TRIP11: variants seen among roughly 807,000 people sequenced by gnomAD.
TRIP11 encodes the protein thyroid hormone receptor interactor 11.
In TRIP11, 148 loss-of-function variants were observed where a neutral mutation model predicts 223.1. The observed-to-expected ratio is 0.66, with a 90% CI of 0.58 to 0.76. TRIP11 has a LOEUF of 0.76. Among genes scored for constraint, TRIP11 ranks in the 30% least tolerant of loss-of-function variants. The probability of loss-of-function intolerance (pLI) is 0.00; values close to 1 mark genes in which losing one functional copy is unlikely to be tolerated. For missense variants in TRIP11, 2,043 were observed against 2,222.0 expected (o/e 0.92, Z 1.62); for synonymous variants, 762 against 772.6 (o/e 0.99, Z 0.23).
intron 1 of TRIP11, among the ~76,000 whole-genome samples, chr14:92,035,674 T>C (rs1233268899): frequency 6.6e-6 from 1 of 151,256 alleles, no homozygotes; most frequent in East Asian, 2.0e-4. Context: ...GCCTCCTGGG[T>C]TCAAGTGATT....
intron 8 of TRIP11, 101 bp from the exon 9 acceptor site, chr14:92,011,173 T>G (rs2056967598): frequency 9.5e-7 from 1 of 1,047,906 alleles, no homozygotes; most frequent in African/African-American, 1.6e-5. Context: ...CAGTATTTCT[T>G]TAATGATATG....
chr14:92,007,167 G>C (rs2056915639), intron 10 of TRIP11, among the ~76,000 whole-genome samples: 1 of 151,962 alleles, frequency 6.6e-6, no homozygotes. Context: ...TGGGATTACA[G>C]GCACCTGCCA....
Position 92,039,835 on chromosome 14 carries a change from A to T in TRIP11, c.-150T>A. ...TGGGTTCTCAGGCAAGGCCGACTCC[A>T]GGTTCTGCCTAGAAACGCAGAGGCC... is the stretch of plus-strand genomic sequence containing the variant. On this transcript the variant is annotated 5_prime_UTR_variant, in exon 1 of 21. Transcript: ENST00000267622. 2 of 1,509,194 alleles carry T rather than the reference A, an allele frequency of 1.3e-6. No individual in the cohort carries two copies. The highest frequency in any genetic ancestry group is 4.9e-5 in the East Asian group (2 of 40,626). 93.5% of individuals were successfully genotyped at this position (1,509,194 alleles called of 1,614,324 possible). A position where few individuals can be genotyped will look rare whatever the true frequency, so the allele number is the denominator to read the frequency against.
chr14:91,989,533 G>A (rs1198510084), intron 15 of TRIP11, among the ~76,000 whole-genome samples: 2 of 149,114 alleles, frequency 1.3e-5, no homozygotes, highest in Non-Finnish European at 3.0e-5. Context: ...CTAGTAGGCA[G>A]GTCTCTCCTC....
In TRIP11 at chr14:92,004,218, A is replaced by C; in HGVS notation, c.3758T>G (p.Val1253Gly). The C allele has an allele frequency of 6.2e-7, 1 of 1,613,988 alleles. No individual in the cohort carries two copies. Among genetic ancestry groups the C allele is most frequent in the Non-Finnish European group, 8.5e-7 (1 of 1,179,986 alleles). The change falls in exon 11 of 21, where the codon GTT becomes GGT. Residue 1253 changes from valine (V) to glycine (G), a missense_variant. Coordinates refer to ENST00000267622, the MANE Select transcript of TRIP11 (RefSeq NM_004239.4). ...AGAATTATTATCACTGTCAACCAAA[A>C]CCTGTGCTTGAAGTTGGTGAAGCTC... The part of the protein sequence containing the change: ...QEELHQLQAQ[V>G]LVDSDNNSKL...
chr14:92,030,792 T>C (rs2057255252), intron 2 of TRIP11: 1 of 152,188 alleles, frequency 6.6e-6, no homozygotes, highest in Non-Finnish European at 1.5e-5. Flanking sequence ...AGGAAACAGA[T>C]GACACAGAAA....
In TRIP11 at chr14:92,003,492, T is replaced by G; in HGVS notation, c.4484A>C (p.Glu1495Ala). ...CATTGAGTGGCACTCAAACTCTTTTTCTCGCAGCATCATAGAAAACTTCAT... is the reference window on the plus strand; with the variant it reads ...CATTGAGTGGCACTCAAACTCTTTTGCTCGCAGCATCATAGAAAACTTCAT... ...TNMKFSMMLREKEFECHSMKE... is the reference protein window; with the variant it reads ...TNMKFSMMLRAKEFECHSMKE... Residue 1495 changes from glutamate to alanine, a missense_variant, in exon 11 of 21, where the codon GAA (glutamate) becomes GCA (alanine). Transcript: ENST00000267622. 6.2e-7 allele frequency: 1 copy of G among 1,614,172 alleles called. No homozygotes were observed. The highest frequency in any genetic ancestry group is 8.5e-7 in the Non-Finnish European group (1 of 1,180,030).
intron 20 of TRIP11, among the ~76,000 whole-genome samples, chr14:91,971,861 G>T (rs74679459): frequency 0.011 from 1,735 of 152,192 alleles, 31 homozygotes; most frequent in South Asian, 0.036. Context: ...CTAAACGACA[G>T]AAGTTTCAAA....
chr14:92,007,788 G>A lies in TRIP11; in HGVS notation c.1379C>T (p.Thr460Ile). Residue 460 changes from threonine to isoleucine, a missense_variant, in exon 10 of 21, where the codon ACA (threonine) becomes ATA (isoleucine). Physicochemically the swap from Thr to Ile is moderately conservative, Grantham distance 89. Transcript: ENST00000267622. ...NEYEVIKSTA[T>I]RDISLDSELH... ...TTCTGAATCCAAACTTATGTCTCTT[G>A]TAGCTGTACTTTTAATTACTTCATA... 2 of 1,613,480 alleles carry A rather than the reference G, an allele frequency of 1.2e-6. No homozygotes were observed. The highest frequency in any genetic ancestry group is 2.2e-5 in the East Asian group (1 of 44,796).
In TRIP11 at chr14:92,015,750, C is replaced by A. The variant is rs1208418888; in HGVS notation, c.769G>T (p.Glu257Ter). 3 of 1,613,346 alleles carry A rather than the reference C, an allele frequency of 1.9e-6. No homozygotes were observed. Among genetic ancestry groups the A allele is most frequent in the African/African-American group, 2.7e-5 (2 of 74,916 alleles). The change falls in exon 6 of 21, where the codon GAA (glutamate) becomes TAA (stop). Residue 257 changes from glutamate (E) to a stop codon, truncating the protein, a stop_gained. Coordinates refer to ENST00000267622, the MANE Select transcript of TRIP11 (RefSeq NM_004239.4). LOFTEE classifies it high-confidence loss of function. ...ATTCGTTCTTCATAGTCACTTAATT[C>A]TTCTCGATGTCGTCGACTTATTTCT... ...LTEISRRHRE[E>*]LSDYEERIEE...
At chr14:92,038,529 T>C (rs952356133) in intron 1 of TRIP11, among the ~76,000 whole-genome samples, 2 of 152,014 alleles carry the variant, frequency 1.3e-5, no homozygotes. Context: ...TCCATCTAAA[T>C]AGACCCCACA....
intron 11 of TRIP11, among the ~76,000 whole-genome samples, chr14:92,001,039 T>G (rs573915575): frequency 6.6e-6 from 1 of 152,130 alleles, no homozygotes; most frequent in South Asian, 2.1e-4. Flanking sequence ...TTTTGTATTT[T>G]TAGTAAAGAC....
intron 13 of TRIP11, among the ~76,000 whole-genome samples, chr14:91,995,905 C>T (rs1234913646): frequency 3.4e-5 from 5 of 146,298 alleles, no homozygotes; most frequent in Non-Finnish European, 7.5e-5. Flanking sequence ...CATGAGCCAC[C>T]GCCCCTGGCC....
At chr14:92,027,362 A>G (rs2057202977) in intron 2 of TRIP11, among the ~76,000 whole-genome samples, 2 of 152,128 alleles carry the variant, frequency 1.3e-5, no homozygotes, top group African/African-American at 4.8e-5. Flanking sequence ...GAGCATTCCA[A>G]TAACTTTTTT....
intron 16 of TRIP11, among the ~76,000 whole-genome samples, chr14:91,985,990 G>A (rs2056600091): frequency 6.6e-6 from 1 of 152,166 alleles, no homozygotes; most frequent in Admixed American, 6.5e-5. Flanking sequence ...TTGTTAAGAA[G>A]AGCTGTAAAT....
chr14:92,003,694 C>T lies in TRIP11; in HGVS notation c.4282G>A (p.Glu1428Lys). 2 of 1,614,098 alleles carry T rather than the reference C, an allele frequency of 1.2e-6. No individual in the cohort carries two copies. The highest frequency in any genetic ancestry group is 1.7e-6 in the Non-Finnish European group (2 of 1,180,016). ...AKSDQLLSSNENFTNKVNENE... is the reference protein window; with the variant it reads ...AKSDQLLSSNKNFTNKVNENE... ...TCATTTACTTTGTTAGTGAAATTTT[C>T]ATTGGAAGAAAGTAGTTGATCACTT... Residue 1428 changes from glutamate (E) to lysine (K), a missense_variant, in exon 11 of 21, where the codon GAA becomes AAA. By Grantham distance (56) the Glu-to-Lys change is moderately conservative (BLOSUM62 1). Transcript: ENST00000267622.
rs2056372019 is a variant in TRIP11, at chr14:91,969,292, A to G, written c.*381T>C. On this transcript the variant is annotated 3_prime_UTR_variant, in exon 21 of 21. Coordinates refer to ENST00000267622, the MANE Select transcript of TRIP11 (RefSeq NM_004239.4). ...TAGTATTTTTTTATTCTTCGTTTAA[A>G]AAAAAAAAACACTCTCTTGATAAAC... 3.2e-6 allele frequency: 1 copy of G among 309,056 alleles called. No homozygotes were observed. The highest frequency in any genetic ancestry group is 4.7e-5 in the Admixed American group (1 of 21,438). The allele number at this position is 309,056 out of a possible 1,614,324, so 19.1% of individuals were successfully genotyped here. A position where few individuals can be genotyped will look rare whatever the true frequency, so the allele number is the denominator to read the frequency against.
At chr14:91,997,378 T>A (rs192486480) in intron 13 of TRIP11, among the ~76,000 whole-genome samples, 89 of 152,252 alleles carry the variant, frequency 5.8e-4, no homozygotes, top group African/African-American at 2.1e-3. Context: ...TGACTTTACA[T>A]TTCATTGGGT....
chr14:92,002,153 C>T (rs2056834910), intron 11 of TRIP11, among the ~76,000 whole-genome samples: 1 of 152,064 alleles, frequency 6.6e-6, no homozygotes, highest in Admixed American at 6.6e-5. Flanking sequence ...AAACCCTACA[C>T]AGCACCCTAT....
Sources: allele counts gnomAD v4.1 joint callset (sites outside exome capture counted in the v4.1 genomes callset), GRCh38; gene constraint gnomAD v4.1.1; transcripts MANE v1.5; gene names NCBI Gene and HGNC (gene_info 2026-07-23, HGNC 2026-07-21).